The following DPH6 variants were observed in gnomAD, a reference collection of about 807,000 sequenced individuals.
DPH6 encodes diphthamine biosynthesis 6, also known as diphthine--ammonia ligase.
DPH6 carries 33 observed loss-of-function variants against 38.2 expected under a neutral mutation model. The ratio of observed to expected loss-of-function variants is 0.86; its 90% CI spans 0.65 to 1.15. The LOEUF (loss-of-function observed/expected upper bound fraction) is 1.15. Among genes scored for constraint, DPH6 ranks in the 50% most tolerant of loss-of-function variants. The pLI is 0.00. For missense variants in DPH6, 325 were observed against 320.0 expected, an observed-to-expected ratio of 1.02 and a Z score of -0.12; for synonymous variants, 108 against 103.0, an observed-to-expected ratio of 1.05 and a Z score of -0.30.
intron 5 of DPH6, among the ~76,000 whole-genome samples, chr15:35,443,450 G>C (rs1434591399): frequency 1.3e-5 from 2 of 152,134 alleles, no homozygotes; most frequent in Non-Finnish European, 2.9e-5. Context: ...CACAGGCAAG[G>C]GGTCTGGAAA....
chr15:35,425,204 C>A (rs1047553821), intron 5 of DPH6, among the ~76,000 whole-genome samples: 2 of 151,510 alleles, frequency 1.3e-5, no homozygotes, highest in African/African-American at 4.8e-5. Context: ...GTATGTCTCA[C>A]TTTCCAATCA....
chr15:35,216,898 C>T (rs2051413432), downstream of DPH6, among the ~76,000 whole-genome samples: 1 of 152,112 alleles, frequency 6.6e-6, no homozygotes, highest in African/African-American at 2.4e-5. Context: ...GAACTGATGG[C>T]ATGTGATTCT....
the DPH6 span, among the ~76,000 whole-genome samples, chr15:35,145,149 CAG>C: frequency 0.43 from 64,947 of 151,784 alleles, 14,129 homozygotes; most frequent in Middle Eastern, 0.63. Flanking sequence ...CTGCAACAAA[CAG>C]AAATGTATAA....
chr15:35,186,700 T>G, the DPH6 span, among the ~76,000 whole-genome samples: 3 of 152,356 alleles, frequency 2.0e-5, no homozygotes, highest in East Asian at 5.8e-4. Flanking sequence ...AATATGAATG[T>G]GAAACAAAAT....
chr15:35,158,435 C>T, the DPH6 span, among the ~76,000 whole-genome samples: 1 of 152,036 alleles, frequency 6.6e-6, no homozygotes, highest in South Asian at 2.1e-4. Flanking sequence ...AACAAACCCC[C>T]TTTCATGAAT....
intron 5 of DPH6, among the ~76,000 whole-genome samples, chr15:35,438,690 T>C (rs1284154462): frequency 1.3e-5 from 2 of 152,126 alleles, no homozygotes; most frequent in African/African-American, 4.8e-5. Context: ...CTCTTATTAA[T>C]TGGCCTAAAG....
chr15:35,168,937 G>C, the DPH6 span, among the ~76,000 whole-genome samples: 1 of 151,982 alleles, frequency 6.6e-6, no homozygotes, highest in African/African-American at 2.4e-5. Flanking sequence ...ATGTCCAGTT[G>C]AATTTCCTTG....
chr15:35,413,733 C>T (rs962772010), intron 5 of DPH6, among the ~76,000 whole-genome samples: 3 of 151,524 alleles, frequency 2.0e-5, no homozygotes, highest in African/African-American at 4.8e-5. Context: ...AATATGACTC[C>T]AAAGAATTGA....
intron 3 of DPH6, chr15:35,299,093 C>A: frequency 1.2e-6 from 1 of 814,774 alleles, no homozygotes. Flanking sequence ...CTGTCTTTGT[C>A]CTTCCTCTCT....
rs536131280 is a variant in DPH6, at chr15:35,419,708, A to G, written c.506-8812T>C. ...AACTGTAAAAAGGACAATAAAGGTT[A>G]TAATATAGTGATTAAGAATCCAATT... On this transcript the variant is annotated intron_variant, in intron 5 of 8. Transcript: ENST00000256538. Among the ~76,000 whole-genome samples, 3 of 152,328 alleles carry G rather than the reference A, an allele frequency of 2.0e-5. No homozygotes were observed. In the South Asian group the frequency reaches 6.2e-4, roughly 32 times the overall value.
At chr15:35,241,779 T>C (rs2051601339) in intron 3 of DPH6, among the ~76,000 whole-genome samples, 2 of 143,172 alleles carry the variant, frequency 1.4e-5, no homozygotes, top group Admixed American at 7.6e-5. Flanking sequence ...TCCCACAGCA[T>C]GCTTTGAAAA....
chr15:35,478,396 CACACACACAA>C (rs919105431), intron 3 of DPH6, among the ~76,000 whole-genome samples: 9 of 151,004 alleles, frequency 6.0e-5, no homozygotes, highest in African/African-American at 1.7e-4. Context: ...CACACACACA[CACACACACAA>C]AGATTGTAAA....
the DPH6 span, among the ~76,000 whole-genome samples, chr15:35,189,456 C>A: frequency 6.6e-6 from 1 of 152,286 alleles, no homozygotes; most frequent in East Asian, 1.9e-4. Flanking sequence ...TATAATCCAC[C>A]TTCACCTTTT....
intron 3 of DPH6, among the ~76,000 whole-genome samples, chr15:35,477,038 A>G (rs1450690129): frequency 6.6e-6 from 1 of 151,830 alleles, no homozygotes; most frequent in East Asian, 1.9e-4. Context: ...TAGCAGTAGC[A>G]TACTTTATTA....
intron 6 of DPH6, among the ~76,000 whole-genome samples, chr15:35,394,935 A>T (rs2053111939): frequency 6.6e-6 from 1 of 152,168 alleles, no homozygotes; most frequent in Non-Finnish European, 1.5e-5. Flanking sequence ...GTTATGTTTG[A>T]CTCTTCGTAA....
intron 3 of DPH6, among the ~76,000 whole-genome samples, chr15:35,499,325 TC>T (rs1336329123): frequency 6.6e-6 from 1 of 152,148 alleles, no homozygotes; most frequent in Non-Finnish European, 1.5e-5. Flanking sequence ...CTTCCTTCTT[TC>T]CCCCCAGGTT....
chr15:35,450,371 C>G (rs1466542592), intron 5 of DPH6, among the ~76,000 whole-genome samples: 1 of 148,612 alleles, frequency 6.7e-6, no homozygotes, highest in Admixed American at 6.7e-5. Context: ...CTGTTTCCTA[C>G]AAGCCTAAAT....
chr15:35,469,044 T>C (rs2054164741), intron 3 of DPH6, among the ~76,000 whole-genome samples: 1 of 150,582 alleles, frequency 6.6e-6, no homozygotes, highest in Non-Finnish European at 1.5e-5. Flanking sequence ...CACTCCAGCC[T>C]GGGCAACAAG....
At chr15:35,462,140 A>G (rs2054074284) in intron 3 of DPH6, among the ~76,000 whole-genome samples, 1 of 152,104 alleles carries the variant, frequency 6.6e-6, no homozygotes, top group Non-Finnish European at 1.5e-5. Context: ...AATATCCCAG[A>G]TTCCAACCAC....
Sources: allele counts gnomAD v4.1 joint callset (sites outside exome capture counted in the v4.1 genomes callset), GRCh38; gene constraint gnomAD v4.1.1; transcripts MANE v1.5; gene names NCBI Gene and HGNC (gene_info 2026-07-23, HGNC 2026-07-21).